Variants in DOCK2 observed in about 807,000 individuals in gnomAD.
DOCK2 encodes the protein dedicator of cytokinesis protein 2.
Under a neutral mutation model 248.9 loss-of-function variants are expected in DOCK2, and 87 were observed. That is an observed-to-expected ratio of 0.35 (90% confidence interval 0.29 to 0.42). The LOEUF (loss-of-function observed/expected upper bound fraction) is 0.42. Among genes scored for constraint, DOCK2 ranks in the 10% least tolerant of loss-of-function variants. The probability of loss-of-function intolerance (pLI) is 1.00; values close to 1 mark genes in which losing one functional copy is unlikely to be tolerated. For missense variants in DOCK2, 1,747 were observed against 2,300.2 expected (o/e 0.76, Z 4.92); for synonymous variants, 805 against 821.6 (o/e 0.98, Z 0.35).
chr5:169,661,712 C>A lies in DOCK2; in HGVS notation c.127+7226C>A, dbSNP rs59656908. On this transcript the variant is annotated intron_variant, in intron 2 of 51. Coordinates refer to ENST00000520908, the MANE Select transcript of DOCK2 (RefSeq NM_004946.3). ...TGTTCCATATATAAGTGAAATAATG[C>A]AATACTTTCTGTGTCTGTCATATTT... Among the ~76,000 whole-genome samples, 316 of 152,194 alleles carry A rather than the reference C, an allele frequency of 2.1e-3. 2 individuals are homozygous for A. The highest frequency in any genetic ancestry group is 7.1e-3 in the African/African-American group (295 of 41,510).
chr5:169,924,701 C>A (rs957629469), intron 27 of DOCK2, among the ~76,000 whole-genome samples: 19 of 152,106 alleles, frequency 1.2e-4, no homozygotes, highest in African/African-American at 4.6e-4. Flanking sequence ...ATCTGAGAGG[C>A]TTTTTTTGAA....
chr5:169,645,758 A>T (rs1247934833), intron 1 of DOCK2, among the ~76,000 whole-genome samples: 2 of 151,826 alleles, frequency 1.3e-5, no homozygotes, highest in Non-Finnish European at 2.9e-5. Context: ...TTATTTATTT[A>T]TTTTTTTGAG....
Position 170,080,276 on chromosome 5 carries a change from C to A in DOCK2, c.5280C>A (p.Thr1760=), listed in dbSNP as rs1453239969. 1 of 1,614,134 alleles carries A rather than the reference C, an allele frequency of 6.2e-7. No individual in the cohort carries two copies. Among genetic ancestry groups the A allele is most frequent in the East Asian group, 2.2e-5 (1 of 44,884 alleles). ...QMSFASQSMP[T]IPALALSVAG... ...GCTTTGCCAGCCAGTCCATGCCTACCATCCCAGGTATGCCCCCTGCTGCCA... is the reference window on the plus strand; with the variant it reads ...GCTTTGCCAGCCAGTCCATGCCTACAATCCCAGGTATGCCCCCTGCTGCCA... The change falls in exon 50 of 52, where the codon ACC becomes ACA. Residue 1760 remains threonine (T), a synonymous_variant. Coordinates refer to ENST00000520908, the MANE Select transcript of DOCK2 (RefSeq NM_004946.3).
intron 14 of DOCK2, among the ~76,000 whole-genome samples, chr5:169,706,814 C>G (rs1471536690): frequency 6.6e-6 from 1 of 152,218 alleles, no homozygotes; most frequent in Non-Finnish European, 1.5e-5. Context: ...GAGCTCATTC[C>G]TTTTCCATAC....
At chr5:169,973,797 G>A (rs1389552476) in intron 27 of DOCK2, among the ~76,000 whole-genome samples, 1 of 152,176 alleles carries the variant, frequency 6.6e-6, no homozygotes, top group African/African-American at 2.4e-5. Flanking sequence ...ATGTAACTGT[G>A]TAACTTTACC....
intron 26 of DOCK2, among the ~76,000 whole-genome samples, chr5:169,839,733 T>G (rs1225581964): frequency 6.6e-6 from 1 of 152,202 alleles, no homozygotes; most frequent in Non-Finnish European, 1.5e-5. Context: ...GTGGCTTCTA[T>G]TATACAAGCA....
intron 29 of DOCK2, among the ~76,000 whole-genome samples, chr5:169,992,423 G>T (rs1368374124): frequency 1.3e-5 from 2 of 152,160 alleles, no homozygotes; most frequent in African/African-American, 4.8e-5. Flanking sequence ...GTGTGTTTTC[G>T]TCCTAACCCA....
At chr5:169,789,695 T>A (rs1766206878) in intron 25 of DOCK2, among the ~76,000 whole-genome samples, 1 of 152,254 alleles carries the variant, frequency 6.6e-6, no homozygotes. Context: ...AATCACTCTT[T>A]GCTTTGGGCC....
intron 25 of DOCK2, among the ~76,000 whole-genome samples, chr5:169,785,122 G>A (rs1765916932): frequency 6.6e-6 from 1 of 152,190 alleles, no homozygotes; most frequent in Non-Finnish European, 1.5e-5. Context: ...GAACTCGTAT[G>A]TTGATAACCT....
At chr5:169,999,009 A>C (rs1754743412) in intron 30 of DOCK2, among the ~76,000 whole-genome samples, 1 of 152,146 alleles carries the variant, frequency 6.6e-6, no homozygotes, top group African/African-American at 2.4e-5. Flanking sequence ...GGTCCATATA[A>C]CTGCGAGCTA....
Position 169,946,255 on chromosome 5 carries a change from C to T in DOCK2, c.2800-36813C>T, listed in dbSNP as rs374830558. Reference sequence around the variant, plus strand: ...TTCTGGACTGCCACAGTGAAGAAAGCAGTGTTCCAGCCCCCCACATCCAGC... The same window carrying T: ...TTCTGGACTGCCACAGTGAAGAAAGTAGTGTTCCAGCCCCCCACATCCAGC... On this transcript the variant is annotated intron_variant, in intron 27 of 51. Coordinates refer to ENST00000520908, the MANE Select transcript of DOCK2 (RefSeq NM_004946.3). Among the ~76,000 whole-genome samples, 279 of 152,316 alleles carry T rather than the reference C, an allele frequency of 1.8e-3. 6 individuals are homozygous for T. In the South Asian group the frequency reaches 0.048, roughly 26 times the overall value.
At chr5:169,832,638 C>T (rs1201933941) in intron 26 of DOCK2, among the ~76,000 whole-genome samples, 1 of 152,216 alleles carries the variant, frequency 6.6e-6, no homozygotes, top group Non-Finnish European at 1.5e-5. Flanking sequence ...ATCACATTCC[C>T]TCTAAGGGCC....
intron 2 of DOCK2, among the ~76,000 whole-genome samples, chr5:169,658,304 C>T (rs916773433): frequency 6.6e-6 from 1 of 151,624 alleles, no homozygotes; most frequent in African/African-American, 2.4e-5. Flanking sequence ...CATGGTGAAA[C>T]CCCATCTCTA....
chr5:169,883,273 T>C (rs866607666), intron 27 of DOCK2: 6 of 1,551,620 alleles, frequency 3.9e-6, no homozygotes, highest in Non-Finnish European at 4.4e-6. Context: ...AGGACTGTGA[T>C]AAATATCATC....
chr5:169,665,851 A>C, intron 2 of DOCK2, among the ~76,000 whole-genome samples: 1 of 152,096 alleles, frequency 6.6e-6, no homozygotes, highest in Non-Finnish European at 1.5e-5. Context: ...GGATATTTTA[A>C]ATCTCCTGCC....
At chr5:169,859,873 T>G (rs966427073) in intron 27 of DOCK2, among the ~76,000 whole-genome samples, 6 of 152,196 alleles carry the variant, frequency 3.9e-5, no homozygotes, top group Non-Finnish European at 5.9e-5. Context: ...AGTGCTGTGC[T>G]GTATTTTATG....
At chr5:169,773,719 T>G (rs1165609536) in intron 25 of DOCK2, among the ~76,000 whole-genome samples, 2 of 152,188 alleles carry the variant, frequency 1.3e-5, no homozygotes, top group African/African-American at 4.8e-5. Flanking sequence ...TTGTATGGTT[T>G]GGCTGTGTCC....
intron 47 of DOCK2, 114 bp downstream of exon 47, chr5:170,076,198 A>G: frequency 1.4e-6 from 2 of 1,433,984 alleles, no homozygotes; most frequent in Non-Finnish European, 1.9e-6. Flanking sequence ...TCCAAAGAGA[A>G]GATAATGATG....
chr5:169,988,970 T>C (rs1054775835), intron 29 of DOCK2, among the ~76,000 whole-genome samples: 2 of 152,250 alleles, frequency 1.3e-5, no homozygotes, highest in African/African-American at 4.8e-5. Flanking sequence ...CAGGGCCAAC[T>C]TCACTTGTCA....
Sources: gnomAD v4.1 joint callset for allele counts (sites outside exome capture counted in the v4.1 genomes callset) on GRCh38, gnomAD v4.1.1 for gene constraint, MANE v1.5 for transcripts, NCBI Gene and HGNC (gene_info 2026-07-23, HGNC 2026-07-21) for gene names.